NRDE2: variants seen among roughly 807,000 people sequenced by gnomAD.
NRDE2 encodes the protein nuclear exosome regulator NRDE2.
A neutral mutation model predicts 124.2 loss-of-function variants in NRDE2; 76 were observed. The observed-to-expected ratio is 0.61, with a 90% CI of 0.51 to 0.74. The LOEUF (loss-of-function observed/expected upper bound fraction) is 0.74. Ranked by LOEUF, NRDE2 falls within the 30% of genes least tolerant of loss-of-function variation. The pLI is 0.00. For missense variants in NRDE2, 1,314 were observed against 1,417.3 expected (o/e 0.93, Z 1.17); for synonymous variants, 489 against 528.1 (o/e 0.93, Z 1.01).
Position 90,272,179 on chromosome 14 carries a change from C to A in NRDE2, c.*6157G>T, listed in dbSNP as rs1891686825. 4 of 1,419,016 alleles carry A rather than the reference C, an allele frequency of 2.8e-6. No individual in the cohort carries two copies. In the East Asian group the frequency reaches 7.5e-5, roughly 26 times the overall value. 87.9% of individuals were successfully genotyped at this position (1,419,016 alleles called of 1,614,324 possible). On this transcript the variant is annotated 3_prime_UTR_variant, in exon 14 of 14. Transcript: ENST00000354366. The surrounding 1 kb of genome is among the most constrained non-coding windows in gnomAD (Gnocchi z 4.5). The stretch of plus-strand genomic sequence containing the variant: ...AGAGTGCTGGGATTACAGGTGTGAG[C>A]CACCGCGCCTGGCCTCAGAATAGGT...
chr14:90,308,357 G>A (rs1331364119), intron 4 of NRDE2, among the ~76,000 whole-genome samples: 2 of 152,086 alleles, frequency 1.3e-5, no homozygotes, highest in Admixed American at 6.6e-5. Context: ...TGTCACTGCG[G>A]GATGCTCACG....
chr14:90,274,635 G>A lies in NRDE2; in HGVS notation c.*3701C>T. ...AACCCAAAGTCTGTTTTGCCAGAAAGCAAGGGAGTGCTCAAGGAATGATAA... is the reference window on the plus strand; with the variant it reads ...AACCCAAAGTCTGTTTTGCCAGAAAACAAGGGAGTGCTCAAGGAATGATAA... On this transcript the variant is annotated 3_prime_UTR_variant, in exon 14 of 14. Coordinates refer to ENST00000354366, the MANE Select transcript of NRDE2 (RefSeq NM_017970.4). 6.6e-6 allele frequency: 1 copy of A among 152,186 alleles called. No individual in the cohort carries two copies. The highest frequency in any genetic ancestry group is 1.5e-5 in the Non-Finnish European group (1 of 68,090). 9.4% of individuals were successfully genotyped at this position (152,186 alleles called of 1,614,324 possible). A position where few individuals can be genotyped will look rare whatever the true frequency, so the allele number is the denominator to read the frequency against.
chr14:90,314,796 G>A (rs1595073729), intron 3 of NRDE2, among the ~76,000 whole-genome samples: 2 of 152,182 alleles, frequency 1.3e-5, no homozygotes, highest in Admixed American at 6.5e-5. Flanking sequence ...TGGTAAGCAA[G>A]ACAGGCCTGA....
At chr14:90,278,895 G>A (rs1380622959) in intron 13 of NRDE2, 167 bp downstream of exon 13, 1 of 670,498 alleles carries the variant, frequency 1.5e-6, no homozygotes, top group Non-Finnish European at 2.7e-6. Context: ...ACTCCACAGG[G>A]GACAGTTTCA....
chr14:90,304,542 T>C (rs1029521925), intron 4 of NRDE2, 160 bp from the exon 5 acceptor site: 6 of 579,462 alleles, frequency 1.0e-5, no homozygotes, highest in Non-Finnish European at 1.5e-5. Flanking sequence ...ACACAAGGAC[T>C]AGTAATTAAC....
chr14:90,283,706 GTTTT>G (rs199636568), intron 12 of NRDE2, among the ~76,000 whole-genome samples: 1 of 147,156 alleles, frequency 6.8e-6, no homozygotes, highest in Non-Finnish European at 1.5e-5. Context: ...ACTTTTGCAG[GTTTT>G]TTGTTTTTTT....
Position 90,302,921 on chromosome 14 carries a change from A to T in NRDE2, c.1210T>A (p.Trp404Arg). ...GGATGCAAAAATATCAGTTTCTGCC[A>T]CTCTTTGACCAGAGTGGAGGGCTCC... is the stretch of plus-strand genomic sequence containing the variant. The part of the protein sequence containing the change: ...FWEPSTLVKE[W>R]QKLIFLHPNN... Residue 404 changes from tryptophan (W) to arginine (R), a missense_variant, in exon 6 of 14, where the codon TGG (tryptophan) becomes AGG (arginine). Trp to Arg is a moderately radical substitution (Grantham distance 101). Transcript: ENST00000354366. 1 of 1,613,974 alleles carries T rather than the reference A, an allele frequency of 6.2e-7. No homozygotes were observed. The highest frequency in any genetic ancestry group is 1.1e-5 in the South Asian group (1 of 91,084).
In NRDE2 at chr14:90,276,217, G is replaced by A; in HGVS notation, c.*2119C>T. The A allele has an allele frequency of 8.4e-6, 1 of 118,686 alleles. No homozygotes were observed. Among genetic ancestry groups the A allele is most frequent in the South Asian group, 2.7e-4 (1 of 3,758 alleles). The allele number at this position is 118,686 out of a possible 1,614,324, so 7.4% of individuals were successfully genotyped here. ...TCATGTCAGCAATCTCAAACGGGCTGTTTTTTTTTTTTTTTTTTCGAGACG... is the reference window on the plus strand; with the variant it reads ...TCATGTCAGCAATCTCAAACGGGCTATTTTTTTTTTTTTTTTTTCGAGACG... On this transcript the variant is annotated 3_prime_UTR_variant, in exon 14 of 14. Transcript: ENST00000354366.
intron 7 of NRDE2, among the ~76,000 whole-genome samples, chr14:90,299,668 G>C (rs1036473819): frequency 2.0e-5 from 3 of 152,152 alleles, no homozygotes; most frequent in Non-Finnish European, 4.4e-5. Flanking sequence ...GAGGAGTATT[G>C]CCTCCAGGAG....
At chr14:90,315,599 A>C (rs1297603141) in intron 3 of NRDE2, among the ~76,000 whole-genome samples, 2 of 152,166 alleles carry the variant, frequency 1.3e-5, no homozygotes, top group Non-Finnish European at 2.9e-5. Flanking sequence ...GGCACAGAGA[A>C]AAGGCTGTAT....
rs1891735885 is a variant in NRDE2, at chr14:90,274,047, T to C, written c.*4289A>G. ...CATTCACACGTTCCAGGGCTTAGGG[T>C]GTGGCCATCTTTAGGGGCGCCACTC... On this transcript the variant is annotated 3_prime_UTR_variant, in exon 14 of 14. Coordinates refer to ENST00000354366, the MANE Select transcript of NRDE2 (RefSeq NM_017970.4). 6.5e-6 allele frequency: 1 copy of C among 154,838 alleles called. No individual in the cohort carries two copies. The highest frequency in any genetic ancestry group is 1.5e-5 in the Non-Finnish European group (1 of 68,248). 9.6% of individuals were successfully genotyped at this position (154,838 alleles called of 1,614,324 possible).
chr14:90,321,258 G>A (rs1885230280), intron 1 of NRDE2, among the ~76,000 whole-genome samples: 1 of 151,892 alleles, frequency 6.6e-6, no homozygotes, highest in African/African-American at 2.4e-5. Flanking sequence ...TGAGAGATGG[G>A]GTCTTGCTGT....
chr14:90,310,936 C>G (rs916097259), intron 4 of NRDE2, among the ~76,000 whole-genome samples: 40 of 152,242 alleles, frequency 2.6e-4, no homozygotes, highest in Middle Eastern at 3.4e-3. Flanking sequence ...ATATAATAGT[C>G]ATTTATACTC....
intron 4 of NRDE2, among the ~76,000 whole-genome samples, chr14:90,305,349 T>C (rs1180569102): frequency 2.0e-5 from 3 of 152,248 alleles, no homozygotes; most frequent in African/African-American, 7.2e-5. Context: ...ATAATCACTT[T>C]GGGAAAAGAT....
At chr14:90,323,778 T>C (rs1170075319) in intron 1 of NRDE2, among the ~76,000 whole-genome samples, 1 of 152,212 alleles carries the variant, frequency 6.6e-6, no homozygotes, top group African/African-American at 2.4e-5. Flanking sequence ...TCTAATATCG[T>C]AGCATGGCTT....
chr14:90,301,159 C>A (rs1355518087), intron 7 of NRDE2, 80 bp downstream of exon 7: 4 of 1,420,018 alleles, frequency 2.8e-6, no homozygotes, highest in East Asian at 4.6e-5. Context: ...TCCACACCAC[C>A]TCTCATTATC....
chr14:90,268,249 A>C lies in NRDE2; in HGVS notation c.*10087T>G. On this transcript the variant is annotated 3_prime_UTR_variant, in exon 14 of 14. Coordinates refer to ENST00000354366, the MANE Select transcript of NRDE2 (RefSeq NM_017970.4). The stretch of plus-strand genomic sequence containing the variant: ...GTAAAACCTTGTTAGCCAAAGCAGT[A>C]GCAAACCAAACCTCAGCCACTTTCT... The C allele has an allele frequency of 6.3e-7, 1 of 1,596,396 alleles. No homozygotes were observed. Among genetic ancestry groups the C allele is most frequent in the South Asian group, 1.1e-5 (1 of 88,144 alleles).
At chr14:90,317,742 T>G (rs551978785) in intron 2 of NRDE2, 16 of 331,538 alleles carry the variant, frequency 4.8e-5, no homozygotes, top group Non-Finnish European at 7.6e-5. Flanking sequence ...ATGAGGCTAG[T>G]AAAGTTACTC....
At chr14:90,303,809 CTAA>C in intron 5 of NRDE2, 123 bp downstream of exon 5, 1 of 848,080 alleles carries the variant, frequency 1.2e-6, no homozygotes. Flanking sequence ...AGGCTCTATT[CTAA>C]TAATCTTTGT....
Sources: allele counts gnomAD v4.1 joint callset (sites outside exome capture counted in the v4.1 genomes callset), GRCh38; gene constraint gnomAD v4.1.1; non-coding constraint Gnocchi (gnomAD v3.1); transcripts MANE v1.5; gene names NCBI Gene and HGNC (gene_info 2026-07-23, HGNC 2026-07-21).